CCDC148: variants seen among roughly 807,000 people sequenced by gnomAD.
CCDC148 encodes coiled-coil domain-containing protein 148.
Under a neutral mutation model 85.7 loss-of-function variants are expected in CCDC148, and 89 were observed. The ratio of observed to expected loss-of-function variants is 1.04; its 90% CI spans 0.87 to 1.24. The LOEUF is 1.24. CCDC148 is among the 50% of genes most tolerant of loss of function. The probability of loss-of-function intolerance (pLI) is 0.00; values close to 1 mark genes in which losing one functional copy is unlikely to be tolerated. For synonymous variants in CCDC148, 230 were observed against 213.9 expected (o/e 1.08, Z -0.66); for missense variants, 692 against 671.7 (o/e 1.03, Z -0.33).
At chr2:158,377,230 G>A (rs1184504513) in intron 1 of CCDC148, among the ~76,000 whole-genome samples, 1 of 151,532 alleles carries the variant, frequency 6.6e-6, no homozygotes, top group Non-Finnish European at 1.5e-5. Context: ...GAGAAAGAGG[G>A]AAGGGATAGT....
chr2:158,308,177 TA>T (rs1323960686), intron 9 of CCDC148, among the ~76,000 whole-genome samples: 14 of 152,250 alleles, frequency 9.2e-5, no homozygotes, highest in Non-Finnish European at 2.1e-4. Context: ...GTTTTTGACC[TA>T]AAGTGCACTT....
chr2:158,383,294 G>A (rs916840053), intron 1 of CCDC148, among the ~76,000 whole-genome samples: 6 of 151,930 alleles, frequency 3.9e-5, no homozygotes, highest in East Asian at 1.9e-4. Flanking sequence ...TCAAGCCTGC[G>A]TGACAGAGAA....
At chr2:158,430,184 G>A (rs188191151) in intron 1 of CCDC148, among the ~76,000 whole-genome samples, 1 of 152,218 alleles carries the variant, frequency 6.6e-6, no homozygotes, top group East Asian at 1.9e-4. Flanking sequence ...AGTTAAGGTG[G>A]AAAGTCTTTG....
chr2:158,336,528 C>A (rs1203857365), intron 7 of CCDC148, among the ~76,000 whole-genome samples: 1 of 152,104 alleles, frequency 6.6e-6, no homozygotes, highest in Non-Finnish European at 1.5e-5. Flanking sequence ...TCTGTTGAAC[C>A]CCCTACCAGG....
chr2:158,418,837 C>T (rs892988616), intron 1 of CCDC148, among the ~76,000 whole-genome samples: 5 of 151,918 alleles, frequency 3.3e-5, no homozygotes, highest in African/African-American at 9.7e-5. Flanking sequence ...AGGAAGCATA[C>T]AATAAACGTG....
chr2:158,196,005 C>T (rs1047787854), intron 11 of CCDC148, among the ~76,000 whole-genome samples: 1 of 152,276 alleles, frequency 6.6e-6, no homozygotes, highest in African/African-American at 2.4e-5. Flanking sequence ...ATGGGACTTA[C>T]TCACATGATT....
At chr2:158,184,665 G>A (rs778506765) in intron 11 of CCDC148, among the ~76,000 whole-genome samples, 1 of 152,082 alleles carries the variant, frequency 6.6e-6, no homozygotes, top group East Asian at 1.9e-4. Flanking sequence ...CCTCGCTCCA[G>A]AATAATTACA....
chr2:158,285,471 T>A (rs192120360), intron 9 of CCDC148, among the ~76,000 whole-genome samples: 1 of 151,522 alleles, frequency 6.6e-6, no homozygotes, highest in African/African-American at 2.4e-5. Context: ...GTAATATACA[T>A]ATATATACAC....
chr2:158,383,729 A>T (rs1319373439), intron 1 of CCDC148, among the ~76,000 whole-genome samples: 2 of 152,126 alleles, frequency 1.3e-5, no homozygotes, highest in African/African-American at 4.8e-5. Flanking sequence ...TGAATACTTG[A>T]GGGTGTCTTT....
chr2:158,406,726 G>A (rs1365246468), intron 1 of CCDC148, among the ~76,000 whole-genome samples: 2 of 147,228 alleles, frequency 1.4e-5, no homozygotes, highest in African/African-American at 5.1e-5. Flanking sequence ...AGACTCAGGT[G>A]ATCCTCCCAC....
chr2:158,212,539 A>G (rs1355478417), intron 11 of CCDC148, among the ~76,000 whole-genome samples: 1 of 152,152 alleles, frequency 6.6e-6, no homozygotes, highest in East Asian at 1.9e-4. Context: ...TAGATTCGCA[A>G]GGCCAATTTA....
chr2:158,331,726 C>T (rs1693136740), intron 7 of CCDC148, among the ~76,000 whole-genome samples: 1 of 152,184 alleles, frequency 6.6e-6, no homozygotes, highest in Non-Finnish European at 1.5e-5. Context: ...ATAGTTAGCT[C>T]TTCTTGTTGA....
intron 11 of CCDC148, among the ~76,000 whole-genome samples, chr2:158,180,360 G>A (rs1684837785): frequency 6.6e-6 from 1 of 152,122 alleles, no homozygotes; most frequent in African/African-American, 2.4e-5. Flanking sequence ...TGGATATAAA[G>A]AAATAGAAGC....
chr2:158,174,340 C>T (rs1684466653), intron 13 of CCDC148, among the ~76,000 whole-genome samples: 1 of 152,000 alleles, frequency 6.6e-6, no homozygotes, highest in African/African-American at 2.4e-5. Flanking sequence ...AGCTTCGAAT[C>T]ATCCTTACTT....
intron 9 of CCDC148, among the ~76,000 whole-genome samples, chr2:158,291,919 G>T (rs1482104380): frequency 6.6e-6 from 1 of 152,104 alleles, no homozygotes; most frequent in East Asian, 1.9e-4. Flanking sequence ...CAAATACCCA[G>T]GCATTCAACA....
At chr2:158,197,112 G>A (rs1685713899) in intron 11 of CCDC148, among the ~76,000 whole-genome samples, 1 of 152,120 alleles carries the variant, frequency 6.6e-6, no homozygotes, top group African/African-American at 2.4e-5. Context: ...AAGTGATCAT[G>A]GAGAATGATT....
chr2:158,268,241 C>T (rs76769500), intron 9 of CCDC148, among the ~76,000 whole-genome samples: 6,925 of 152,124 alleles, frequency 0.046, 524 homozygotes, highest in African/African-American at 0.16. Flanking sequence ...TTCACTAGCA[C>T]GTGATATTGT....
intron 9 of CCDC148, among the ~76,000 whole-genome samples, chr2:158,291,234 T>C (rs1281528271): frequency 6.6e-6 from 1 of 152,076 alleles, no homozygotes; most frequent in Admixed American, 6.5e-5. Flanking sequence ...ATTACAGGCA[T>C]GTGCCACGGT....
At chr2:158,450,337 C>T (rs1190327457) in intron 1 of CCDC148, among the ~76,000 whole-genome samples, 1 of 152,222 alleles carries the variant, frequency 6.6e-6, no homozygotes, top group Non-Finnish European at 1.5e-5. Context: ...CATTTTACAA[C>T]AGCCCTCTAC....
Sources: gnomAD v4.1 joint callset for allele counts (sites outside exome capture counted in the v4.1 genomes callset) on GRCh38, gnomAD v4.1.1 for gene constraint, MANE v1.5 for transcripts, NCBI Gene and HGNC (gene_info 2026-07-23, HGNC 2026-07-21) for gene names.